Variants in ALG9 observed in about 807,000 individuals in gnomAD.
ALG9 encodes the protein ALG9 alpha-1,2-mannosyltransferase.
ALG9 carries 55 observed loss-of-function variants against 81.8 expected under a neutral mutation model. That is an observed-to-expected ratio of 0.67 (90% confidence interval 0.54 to 0.84). The LOEUF (loss-of-function observed/expected upper bound fraction) is 0.84, where lower values mean the gene tolerates loss of function less well. Ranked by LOEUF, ALG9 falls within the 40% of genes least tolerant of loss-of-function variation. The pLI is 0.00. For synonymous variants in ALG9, 278 were observed against 274.3 expected, an observed-to-expected ratio of 1.01 and a Z score of -0.13; for missense variants, 629 against 745.0, an observed-to-expected ratio of 0.84 and a Z score of 1.81.
chr11:111,792,219 G>A (rs1555071120), intron 14 of ALG9, among the ~76,000 whole-genome samples: 2 of 152,146 alleles, frequency 1.3e-5, no homozygotes, highest in Non-Finnish European at 2.9e-5. Flanking sequence ...TTATTTATTT[G>A]TTGGTTAACT....
the ALG9 span, among the ~76,000 whole-genome samples, chr11:111,777,118 C>A: frequency 6.6e-6 from 1 of 151,512 alleles, no homozygotes; most frequent in Non-Finnish European, 1.5e-5. Context: ...CTGGTAATTG[C>A]CACTAAGAGT....
At chr11:111,861,043 G>C (rs1201860684) in intron 4 of ALG9, among the ~76,000 whole-genome samples, 1 of 152,204 alleles carries the variant, frequency 6.6e-6, no homozygotes, top group African/African-American at 2.4e-5. Flanking sequence ...TACAAACTTT[G>C]TAAGGTTTCT....
rs1050934088 is a variant in ALG9 at position 111,871,563 on chromosome 11, C to A, written c.-81G>T. The A allele has an allele frequency of 8.9e-5, 137 of 1,532,434 alleles. No individual in the cohort carries two copies. The highest frequency in any genetic ancestry group is 1.1e-4 in the Non-Finnish European group (126 of 1,144,986). 94.9% of individuals were successfully genotyped at this position (1,532,434 alleles called of 1,614,324 possible). ...CATAGCTTTGGCTGGCAAACGGTGT[C>A]CGCCGAGGGACAAAAGACCTTGACA... On this transcript the variant is annotated 5_prime_UTR_variant, in exon 1 of 15. Transcript: ENST00000616540.
intron 14 of ALG9, chr11:111,805,189 C>T (rs977882006): frequency 6.6e-6 from 3 of 452,536 alleles, no homozygotes; most frequent in African/African-American, 6.0e-5. Context: ...TAAGAAGAGG[C>T]TAGAGAGCTA....
intron 10 of ALG9, among the ~76,000 whole-genome samples, chr11:111,838,642 C>A (rs1344733035): frequency 1.3e-5 from 2 of 152,114 alleles, no homozygotes; most frequent in African/African-American, 4.8e-5. Flanking sequence ...GAATATTTTG[C>A]TAGCATTTAT....
At chr11:111,857,785 G>C (rs782474651) in intron 5 of ALG9, 48 bp from the exon 6 acceptor site, 6 of 1,608,690 alleles carry the variant, frequency 3.7e-6, no homozygotes, top group Non-Finnish European at 5.1e-6. Flanking sequence ...AGAGCTCGAG[G>C]TTAATTAGGT....
intron 14 of ALG9, among the ~76,000 whole-genome samples, chr11:111,806,071 G>T (rs1214840814): frequency 2.6e-5 from 4 of 152,014 alleles, no homozygotes; most frequent in African/African-American, 9.7e-5. Flanking sequence ...TGTTAGCCAG[G>T]CTGGTTTCGA....
chr11:111,803,862 G>A (rs940002146), intron 14 of ALG9, among the ~76,000 whole-genome samples: 1 of 152,134 alleles, frequency 6.6e-6, no homozygotes, highest in African/African-American at 2.4e-5. Context: ...TCTGGGCATG[G>A]TGGCTCAAGC....
At chr11:111,866,214 T>C (rs1200878279) in intron 3 of ALG9, among the ~76,000 whole-genome samples, 1 of 152,202 alleles carries the variant, frequency 6.6e-6, no homozygotes, top group Non-Finnish European at 1.5e-5. Flanking sequence ...AGGGAATTAC[T>C]TGAACCTGGG....
At chr11:111,808,100 G>T (rs1950194860) in intron 14 of ALG9, among the ~76,000 whole-genome samples, 1 of 152,068 alleles carries the variant, frequency 6.6e-6, no homozygotes, top group Admixed American at 6.6e-5. Context: ...TTAAGAAGAA[G>T]CACTATTTCC....
chr11:111,842,190 C>A (rs1413462903), intron 9 of ALG9, among the ~76,000 whole-genome samples: 2 of 152,184 alleles, frequency 1.3e-5, no homozygotes, highest in African/African-American at 4.8e-5. Flanking sequence ...AGCCACTGTG[C>A]CTGGCCTAAG....
rs372826459 is a variant in ALG9, at chr11:111,866,284, A to T, written c.406-1033T>A. On this transcript the variant is annotated intron_variant, in intron 3 of 14. Transcript: ENST00000616540. ...TGCACTCCAGCCTGGCGACAGAGTGAGACTCCATCTCAAAAACAAACAAAA... is the reference window on the plus strand; with the variant it reads ...TGCACTCCAGCCTGGCGACAGAGTGTGACTCCATCTCAAAAACAAACAAAA... Among the ~76,000 whole-genome samples, 73 of 152,318 alleles carry T rather than the reference A, an allele frequency of 4.8e-4. 1 individual carries two copies. Among genetic ancestry groups the T allele is most frequent in the African/African-American group, 1.7e-3 (69 of 41,560 alleles).
chr11:111,827,405 G>C (rs1953518595), intron 13 of ALG9, among the ~76,000 whole-genome samples: 2 of 152,156 alleles, frequency 1.3e-5, no homozygotes, highest in African/African-American at 4.8e-5. Context: ...GAACCCGGTA[G>C]TGGGAGGTTG....
At chr11:111,768,495 C>T in the ALG9 span, among the ~76,000 whole-genome samples, 7 of 152,002 alleles carry the variant, frequency 4.6e-5, no homozygotes, top group African/African-American at 1.5e-4. Context: ...CATGGTAACG[C>T]GTGCCTGTCT....
chr11:111,828,270 T>C (rs1416472085), intron 13 of ALG9, among the ~76,000 whole-genome samples: 2 of 152,204 alleles, frequency 1.3e-5, no homozygotes, highest in Non-Finnish European at 1.5e-5. Flanking sequence ...TTCAAAACTG[T>C]TGGAATTACA....
intron 14 of ALG9, among the ~76,000 whole-genome samples, chr11:111,792,151 C>T (rs1177460229): frequency 6.6e-6 from 1 of 152,230 alleles, no homozygotes; most frequent in Non-Finnish European, 1.5e-5. Flanking sequence ...TTCCACCTCT[C>T]ACTTCTTTTC....
chr11:111,836,130 T>C, intron 13 of ALG9, 35 bp downstream of exon 13: 3 of 1,613,140 alleles, frequency 1.9e-6, no homozygotes, highest in Non-Finnish European at 1.7e-6. Context: ...CATAGAATTC[T>C]TTTCAGAGAA....
intron 1 of ALG9, 25 bp from the exon 2 acceptor site, chr11:111,870,395 A>G: frequency 6.6e-7 from 1 of 1,520,990 alleles, no homozygotes; most frequent in Non-Finnish European, 8.8e-7. Flanking sequence ...AAAAAAAAAA[A>G]AAAAAAAAAG....
chr11:111,828,817 C>T lies in ALG9; in HGVS notation c.1602+7348G>A, dbSNP rs530207678. The T allele has an allele frequency of 5.9e-5, 9 of 152,158 alleles. No individual in the cohort carries two copies. The East Asian group carries it at 1.5e-3, about 26-fold the overall frequency. The allele number at this position is 152,158 out of a possible 1,614,324, so 9.4% of individuals were successfully genotyped here. A position where few individuals can be genotyped will look rare whatever the true frequency, so the allele number is the denominator to read the frequency against. ...GATGAAATTAAAACATTATTTATTA[C>T]AAAAAACATCTTACAAAATCACTTA... On this transcript the variant is annotated intron_variant, in intron 13 of 14. Coordinates refer to ENST00000616540, the MANE Select transcript of ALG9 (RefSeq NM_024740.2).
Sources: allele counts gnomAD v4.1 joint callset (sites outside exome capture counted in the v4.1 genomes callset), GRCh38; gene constraint gnomAD v4.1.1; transcripts MANE v1.5; gene names NCBI Gene and HGNC (gene_info 2026-07-23, HGNC 2026-07-21).